Variants in ZBTB41 observed in about 807,000 individuals in gnomAD.
The protein encoded by ZBTB41 is zinc finger and BTB domain-containing protein 41.
A neutral mutation model predicts 87.6 loss-of-function variants in ZBTB41; 42 were observed. The ratio of observed to expected loss-of-function variants is 0.48; its 90% CI spans 0.37 to 0.62. The LOEUF (loss-of-function observed/expected upper bound fraction) is 0.62. Ranked by LOEUF, ZBTB41 falls within the 20% of genes least tolerant of loss-of-function variation. The probability of loss-of-function intolerance (pLI) is 0.00; values close to 1 mark genes in which losing one functional copy is unlikely to be tolerated. For synonymous variants in ZBTB41, 364 were observed against 364.0 expected (o/e 1.00, Z 0.00); for missense variants, 799 against 1,078.9 (o/e 0.74, Z 3.63).
At chr1:197,188,195 T>C in intron 5 of ZBTB41, 97 bp downstream of exon 5, 5 of 1,431,456 alleles carry the variant, frequency 3.5e-6, no homozygotes, top group Non-Finnish European at 4.8e-6. Context: ...AAAAGTCTTT[T>C]AGAAGAAAAA....
Position 197,158,533 on chromosome 1 carries a change from A to C in ZBTB41, c.*826T>G, listed in dbSNP as rs982165450. The C allele has an allele frequency of 1.3e-5, 2 of 152,438 alleles. No individual in the cohort carries two copies. The highest frequency in any genetic ancestry group is 1.9e-4 in the East Asian group (1 of 5,202). The allele number at this position is 152,438 out of a possible 1,614,324, so 9.4% of individuals were successfully genotyped here. ...AAGACATATGCTATGTTGTATTGTC[A>C]ACATTTCTGAAATAAATAGTAAAGT... On this transcript the variant is annotated 3_prime_UTR_variant, in exon 11 of 11. Transcript: ENST00000367405.
chr1:197,194,909 G>C (rs1406756404), intron 2 of ZBTB41, among the ~76,000 whole-genome samples: 2 of 152,166 alleles, frequency 1.3e-5, no homozygotes, highest in African/African-American at 2.4e-5. Flanking sequence ...GAGCTAGGTA[G>C]ATCTCTACAG....
At chr1:197,197,347 A>G (rs988526550) in intron 2 of ZBTB41, among the ~76,000 whole-genome samples, 1 of 152,080 alleles carries the variant, frequency 6.6e-6, no homozygotes, top group Non-Finnish European at 1.5e-5. Flanking sequence ...AGATATAGAT[A>G]CACTAAGGTA....
chr1:197,175,339 G>C (rs1659576753), intron 8 of ZBTB41, among the ~76,000 whole-genome samples: 1 of 146,196 alleles, frequency 6.8e-6, no homozygotes, highest in Admixed American at 7.0e-5. Flanking sequence ...CTTGGAAAAG[G>C]AATCAATAGC....
At chr1:197,195,559 A>T (rs1660142791) in intron 2 of ZBTB41, among the ~76,000 whole-genome samples, 1 of 152,206 alleles carries the variant, frequency 6.6e-6, no homozygotes, top group South Asian at 2.1e-4. Flanking sequence ...TTTTCTATTA[A>T]GAACTAAGTG....
At chr1:197,173,824 T>TG (rs1659533319) in intron 9 of ZBTB41, among the ~76,000 whole-genome samples, 1 of 152,102 alleles carries the variant, frequency 6.6e-6, no homozygotes, top group South Asian at 2.1e-4. Flanking sequence ...AGTACTCGAC[T>TG]GGGGGCAATT....
chr1:197,193,177 C>T (rs114238024), intron 2 of ZBTB41, among the ~76,000 whole-genome samples: 9 of 152,160 alleles, frequency 5.9e-5, no homozygotes, highest in Non-Finnish European at 1.0e-4. Flanking sequence ...TCTTTACTTG[C>T]GTTAGTAACA....
At chr1:197,181,672 A>G (rs1021892227) in intron 5 of ZBTB41, among the ~76,000 whole-genome samples, 5 of 152,204 alleles carry the variant, frequency 3.3e-5, no homozygotes, top group Non-Finnish European at 7.3e-5. Context: ...TAGTAAATAC[A>G]GCTCAAAGAA....
At chr1:197,174,939 C>T (rs1557979114) in intron 9 of ZBTB41, 71 bp downstream of exon 9, 1 of 1,269,262 alleles carries the variant, frequency 7.9e-7, no homozygotes. Context: ...ACAAAGTAAA[C>T]AAAAAAAGTT....
intron 6 of ZBTB41, among the ~76,000 whole-genome samples, chr1:197,178,938 A>T (rs1659677440): frequency 6.6e-6 from 1 of 152,102 alleles, no homozygotes. Context: ...AGCAAAGAAA[A>T]TGTTGTAGTA....
intron 10 of ZBTB41, among the ~76,000 whole-genome samples, chr1:197,165,884 A>T (rs762486356): frequency 3.9e-5 from 6 of 152,152 alleles, no homozygotes; most frequent in Non-Finnish European, 5.9e-5. Flanking sequence ...CTGCATTTCC[A>T]ACTGAGGTAC....
chr1:197,183,143 T>G (rs1659797546), intron 5 of ZBTB41, among the ~76,000 whole-genome samples: 1 of 152,152 alleles, frequency 6.6e-6, no homozygotes, highest in Non-Finnish European at 1.5e-5. Context: ...TTAATAATAG[T>G]GGCCCAAAAT....
intron 2 of ZBTB41, among the ~76,000 whole-genome samples, chr1:197,193,490 T>C (rs1340946940): frequency 6.6e-6 from 1 of 152,210 alleles, no homozygotes; most frequent in African/African-American, 2.4e-5. Context: ...AATATGGACA[T>C]GTAGGTATAC....
At chr1:197,192,832 TATAATC>T (rs1408514070) in intron 2 of ZBTB41, among the ~76,000 whole-genome samples, 1 of 152,070 alleles carries the variant, frequency 6.6e-6, no homozygotes. Flanking sequence ...TGAGGAAAGA[TATAATC>T]ATAATTATGT....
chr1:197,179,976 G>A (rs915080830), intron 6 of ZBTB41, among the ~76,000 whole-genome samples: 2 of 151,948 alleles, frequency 1.3e-5, no homozygotes, highest in Non-Finnish European at 2.9e-5. Flanking sequence ...AATGTACAGT[G>A]TTTATAAAGT....
chr1:197,199,212 A>T, intron 2 of ZBTB41, 142 bp downstream of exon 2: 1 of 720,102 alleles, frequency 1.4e-6, no homozygotes, highest in Admixed American at 3.7e-5. Context: ...AACAGGATAA[A>T]CACTATTGAA....
intron 8 of ZBTB41, chr1:197,175,796 G>C (rs190311719): frequency 6.6e-6 from 1 of 151,888 alleles, no homozygotes; most frequent in East Asian, 1.9e-4. Flanking sequence ...AATGGAAAAA[G>C]TCATCAGATT....
In ZBTB41 at chr1:197,155,381, A is replaced by C. The variant is rs1410837967; in HGVS notation, c.*3978T>G. 2 of 152,332 alleles carry C rather than the reference A, an allele frequency of 1.3e-5. No individual in the cohort carries two copies. The highest frequency in any genetic ancestry group is 2.9e-5 in the Non-Finnish European group (2 of 67,848). 9.4% of individuals were successfully genotyped at this position (152,332 alleles called of 1,614,324 possible). A position where few individuals can be genotyped will look rare whatever the true frequency, so the allele number is the denominator to read the frequency against. On this transcript the variant is annotated 3_prime_UTR_variant, in exon 11 of 11. Transcript: ENST00000367405. ...CCCATAACCAAAAAAAAATAAAAAT[A>C]AAAATCTATTAATCAGTACAATCTA... is the stretch of plus-strand genomic sequence containing the variant.
At chr1:197,168,680 A>C (rs1348945260) in intron 10 of ZBTB41, among the ~76,000 whole-genome samples, 1 of 152,122 alleles carries the variant, frequency 6.6e-6, no homozygotes, top group Non-Finnish European at 1.5e-5. Flanking sequence ...AACCGCAAAA[A>C]ATATTAATGA....
Sources: allele counts gnomAD v4.1 joint callset (sites outside exome capture counted in the v4.1 genomes callset), GRCh38; gene constraint gnomAD v4.1.1; transcripts MANE v1.5; gene names NCBI Gene and HGNC (gene_info 2026-07-23, HGNC 2026-07-21).